The following AFF1 variants were observed in gnomAD, a reference collection of about 807,000 sequenced individuals.
The protein encoded by AFF1 is AF4/FMR2 family member 1.
In AFF1, 48 loss-of-function variants were observed where a neutral mutation model predicts 121.7. That is an observed-to-expected ratio of 0.39 (90% CI 0.31 to 0.50). The LOEUF (loss-of-function observed/expected upper bound fraction) is 0.50. Ranked by LOEUF, AFF1 falls within the 20% of genes least tolerant of loss-of-function variation. The pLI is 0.76. For missense variants in AFF1, 1,523 were observed against 1,511.7 expected (o/e 1.01, Z -0.12); for synonymous variants, 613 against 563.0 (o/e 1.09, Z -1.26).
At chr4:87,020,692 G>A in intron 2 of AFF1, 1 of 581,430 alleles carries the variant, frequency 1.7e-6, no homozygotes, top group Non-Finnish European at 2.2e-6. Flanking sequence ...CACTGTGTTA[G>A]CCAGGATGTT....
chr4:86,950,788 C>A (rs955145939), intron 2 of AFF1, among the ~76,000 whole-genome samples: 3 of 152,208 alleles, frequency 2.0e-5, no homozygotes, highest in African/African-American at 7.2e-5. Context: ...TGGGGGAAAG[C>A]TGTTGTCATT....
intron 2 of AFF1, among the ~76,000 whole-genome samples, chr4:87,022,194 G>A (rs576466320): frequency 5.4e-4 from 66 of 121,574 alleles, no homozygotes; most frequent in African/African-American, 1.6e-3. Context: ...GTGACACAGC[G>A]AGACTCCATC....
chr4:87,086,635 G>A (rs1447704645), intron 5 of AFF1, among the ~76,000 whole-genome samples: 2 of 152,162 alleles, frequency 1.3e-5, no homozygotes, highest in African/African-American at 4.8e-5. Context: ...TAAGTTATAG[G>A]TCGCTGCTGG....
chr4:86,952,982 T>C (rs867438785), intron 2 of AFF1, among the ~76,000 whole-genome samples: 2,657 of 26,212 alleles, frequency 0.1, 80 homozygotes, highest in African/African-American at 0.25. Context: ...ACCTTCAGCC[T>C]CCCAAAGTGC....
At chr4:86,938,449 C>CAAAAAAA (rs35867614) in intron 1 of AFF1, among the ~76,000 whole-genome samples, 1 of 100,060 alleles carries the variant, frequency 1.0e-5, no homozygotes, top group Non-Finnish European at 2.1e-5. Flanking sequence ...GACTCCGTCT[C>CAAAAAAA]AAAAAAAAAA....
intron 2 of AFF1, among the ~76,000 whole-genome samples, chr4:87,033,393 G>A (rs1412364752): frequency 6.6e-6 from 1 of 152,208 alleles, no homozygotes; most frequent in Non-Finnish European, 1.5e-5. Flanking sequence ...TGTATGTGGT[G>A]CAATTGGTTC....
chr4:87,027,755 C>T (rs2149575398), intron 2 of AFF1, among the ~76,000 whole-genome samples: 1 of 146,696 alleles, frequency 6.8e-6, no homozygotes, highest in South Asian at 2.2e-4. Context: ...ATTCCAAAAT[C>T]TGAAACTTTT....
At chr4:87,045,983 C>G in intron 2 of AFF1, among the ~76,000 whole-genome samples, 183 bp from the exon 3 acceptor site, 1 of 152,086 alleles carries the variant, frequency 6.6e-6, no homozygotes, top group East Asian at 1.9e-4. Flanking sequence ...GGGTCACAGC[C>G]AAGTGACTGA....
intron 2 of AFF1, among the ~76,000 whole-genome samples, chr4:86,952,087 G>A (rs1397990131): frequency 6.6e-6 from 1 of 152,142 alleles, no homozygotes; most frequent in Non-Finnish European, 1.5e-5. Flanking sequence ...TTTGGCAACT[G>A]TGGCATATTG....
rs140667140 is a variant in AFF1, at chr4:87,004,433, A to G, written c.39-41733A>G. 8.8e-3 allele frequency among the ~76,000 whole-genome samples: 1,337 copies of G among 152,322 alleles called. 25 individuals carry two copies. The highest frequency in any genetic ancestry group is 0.031 in the African/African-American group (1,287 of 41,558). On this transcript the variant is annotated intron_variant, in intron 2 of 20. Transcript: ENST00000395146. ...AAACCCATTACATATTGACCTAAAT[A>G]AAACTTTTATAAAACCAATTTTCCA...
At chr4:86,945,497 A>ATTTTTTTTTTT (rs34305215) in intron 1 of AFF1, among the ~76,000 whole-genome samples, 11 of 86,632 alleles carry the variant, frequency 1.3e-4, no homozygotes, top group African/African-American at 5.7e-4. Context: ...GCCTTTCCCA[A>ATTTTTTTTTTT]TTTTTTTTTT....
intron 5 of AFF1, among the ~76,000 whole-genome samples, chr4:87,086,437 G>A (rs527309330): frequency 6.6e-6 from 1 of 152,192 alleles, no homozygotes; most frequent in Admixed American, 6.5e-5. Flanking sequence ...TTCCCACCCA[G>A]GATCACGTTA....
At chr4:87,096,441 A>G (rs908567365) in intron 8 of AFF1, among the ~76,000 whole-genome samples, 1 of 121,918 alleles carries the variant, frequency 8.2e-6, no homozygotes, top group Non-Finnish European at 1.6e-5. Context: ...TTTGTTGCCC[A>G]GGCTGGTCTC....
chr4:87,078,527 A>G, intron 4 of AFF1, among the ~76,000 whole-genome samples: 1 of 152,206 alleles, frequency 6.6e-6, no homozygotes, highest in East Asian at 1.9e-4. Context: ...AGCATCTGCA[A>G]GAGAACCTGG....
chr4:86,995,300 C>G (rs970566813), intron 2 of AFF1, among the ~76,000 whole-genome samples: 1 of 118,860 alleles, frequency 8.4e-6, no homozygotes, highest in Non-Finnish European at 1.8e-5. Context: ...CCCTCTCCCT[C>G]CCTCCCCCTC....
In AFF1 at chr4:87,135,727, T is replaced by G; in HGVS notation, c.*26T>G. ...TGGAGCCCCAGGTTGATTCAATGCCTTGGGAACTATTTTTGCACATTGGAA... is the reference window on the plus strand; with the variant it reads ...TGGAGCCCCAGGTTGATTCAATGCCGTGGGAACTATTTTTGCACATTGGAA... On this transcript the variant is annotated 3_prime_UTR_variant, in exon 21 of 21. Transcript: ENST00000395146. The G allele has an allele frequency of 1.9e-6, 3 of 1,601,688 alleles. No individual in the cohort carries two copies. The highest frequency in any genetic ancestry group is 2.6e-6 in the Non-Finnish European group (3 of 1,173,806).
intron 4 of AFF1, among the ~76,000 whole-genome samples, chr4:87,064,842 C>T (rs1416570897): frequency 1.3e-5 from 2 of 148,968 alleles, no homozygotes; most frequent in African/African-American, 5.0e-5. Context: ...CATTGCACTC[C>T]AGCCTGGGCA....
chr4:87,102,044 CTT>C (rs1293940993), intron 8 of AFF1, among the ~76,000 whole-genome samples: 4 of 150,240 alleles, frequency 2.7e-5, no homozygotes, highest in Non-Finnish European at 4.4e-5. Flanking sequence ...GTATGTGGCT[CTT>C]TAAGCTTTGC....
Position 87,110,994 on chromosome 4 carries a change from CTT to C in AFF1, c.1533+2681_1533+2682del, listed in dbSNP as rs1726439152. Among the ~76,000 whole-genome samples the C allele has an allele frequency of 6.9e-5, 6 of 86,710 alleles. 1 individual carries two copies. The South Asian group carries it at 1.8e-3, about 26-fold the overall frequency. 56.9% of individuals were successfully genotyped at this position (86,710 alleles called of 152,430 possible). A position where few individuals can be genotyped will look rare whatever the true frequency, so the allele number is the denominator to read the frequency against. On this transcript the variant is annotated intron_variant, in intron 11 of 20. Transcript: ENST00000395146. ...ACCTTGGCACTTTTATCTACTTAAA[CTT>C]TATTTTTTTTTTTTTATTTTTTTTT...
Sources: allele counts gnomAD v4.1 joint callset (sites outside exome capture counted in the v4.1 genomes callset), GRCh38; gene constraint gnomAD v4.1.1; transcripts MANE v1.5; gene names NCBI Gene and HGNC (gene_info 2026-07-23, HGNC 2026-07-21).